PSMF1: variants seen among roughly 807,000 people sequenced by gnomAD.
PSMF1 encodes proteasome inhibitor PI31 subunit.
Under a neutral mutation model 29.3 loss-of-function variants are expected in PSMF1, and 30 were observed. That is an observed-to-expected ratio of 1.02 (90% confidence interval 0.77 to 1.39). The LOEUF is 1.39. PSMF1 is among the 40% of genes most tolerant of loss of function. The pLI, the probability that PSMF1 is intolerant of heterozygous loss-of-function variation, is 0.00. For missense variants in PSMF1, 344 were observed against 357.5 expected (o/e 0.96, Z 0.31); for synonymous variants, 134 against 139.7 (o/e 0.96, Z 0.29).
At chr20:1,123,604 A>T (rs554142308) in intron 1 of PSMF1, among the ~76,000 whole-genome samples, 3 of 152,294 alleles carry the variant, frequency 2.0e-5, no homozygotes, top group South Asian at 2.1e-4. Context: ...ATAGTATTCC[A>T]CTATAAGCAT....
Position 1,163,302 on chromosome 20 carries a change from T to C in PSMF1, c.605+119T>C. On this transcript the variant is annotated intron_variant, in intron 5 of 6. Transcript: ENST00000335877. This position sits in a 1 kb window ranked among gnomAD's most constrained non-coding sequence, Gnocchi z 6.1. ...TCTTCCTTTGGGGTGGAGGAGGCAG[T>C]TGTTGCTGAGCAGCTGAGAAAGCAC... 3 of 1,169,194 alleles carry C rather than the reference T, an allele frequency of 2.6e-6. No homozygotes were observed. Among genetic ancestry groups the C allele is most frequent in the Non-Finnish European group, 3.7e-6 (3 of 806,348 alleles). The allele number at this position is 1,169,194 out of a possible 1,614,324, so 72.4% of individuals were successfully genotyped here. A position where few individuals can be genotyped will look rare whatever the true frequency, so the allele number is the denominator to read the frequency against.
intron 4 of PSMF1, among the ~76,000 whole-genome samples, chr20:1,142,387 A>G (rs1480872301): frequency 6.6e-6 from 1 of 152,162 alleles, no homozygotes; most frequent in East Asian, 1.9e-4. Flanking sequence ...ATCATTCAAC[A>G]TTAGGTATTT....
At chr20:1,129,594 C>T (rs1436958635) in intron 3 of PSMF1, among the ~76,000 whole-genome samples, 3 of 152,196 alleles carry the variant, frequency 2.0e-5, no homozygotes. Flanking sequence ...AGACATAGAT[C>T]AGATCATAGT....
intron 4 of PSMF1, among the ~76,000 whole-genome samples, chr20:1,139,007 C>G (rs570591561): frequency 1.1e-4 from 17 of 152,170 alleles, no homozygotes; most frequent in African/African-American, 3.4e-4. Flanking sequence ...GAAACCCTGT[C>G]TCTACTAAAA....
chr20:1,121,601 CCT>C (rs1365112148), intron 1 of PSMF1, among the ~76,000 whole-genome samples: 2 of 152,140 alleles, frequency 1.3e-5, no homozygotes, highest in African/African-American at 4.8e-5. Flanking sequence ...ATTTGTGTTG[CCT>C]CTCCAGCCAT....
At chr20:1,119,272 T>A (rs564662715) in intron 1 of PSMF1, among the ~76,000 whole-genome samples, 6 of 152,212 alleles carry the variant, frequency 3.9e-5, no homozygotes, top group Admixed American at 3.3e-4. Context: ...CTGAACTCCT[T>A]ACCACCCAGC....
Position 1,135,300 on chromosome 20 carries a change from C to G in PSMF1, c.545C>G (p.Pro182Arg). 1.2e-6 allele frequency: 2 copies of G among 1,611,304 alleles called. No individual in the cohort carries two copies. The highest frequency in any genetic ancestry group is 1.7e-6 in the Non-Finnish European group (2 of 1,178,514). ...PPHHPHTSRQ[P>R]PWCDPLGPFV... ...CACCACCCACACACCAGTCGGCAGC[C>G]TCCCTGGTGAGTACAGAGTGCCTAG... is the stretch of plus-strand genomic sequence containing the variant. The change falls in exon 4 of 7, where the codon CCT becomes CGT. Residue 182 changes from proline (P) to arginine (R), a missense_variant. Physicochemically the swap from Pro to Arg is moderately radical, Grantham distance 103. Coordinates refer to ENST00000335877, the MANE Select transcript of PSMF1 (RefSeq NM_006814.5).
intron 1 of PSMF1, 122 bp from the exon 2 acceptor site, chr20:1,125,376 T>C (rs765177079): frequency 9.0e-7 from 1 of 1,112,554 alleles, no homozygotes; most frequent in Non-Finnish European, 1.2e-6. Flanking sequence ...AAGTCATTTC[T>C]CTTGACCTCC....
At chr20:1,127,084 A>G (rs1486583850) in intron 2 of PSMF1, among the ~76,000 whole-genome samples, 1 of 152,054 alleles carries the variant, frequency 6.6e-6, no homozygotes, top group Admixed American at 6.5e-5. Flanking sequence ...TGCTACCCTC[A>G]TTAGCAAGAT....
chr20:1,139,789 G>A (rs905992738), intron 4 of PSMF1, among the ~76,000 whole-genome samples: 1 of 150,552 alleles, frequency 6.6e-6, no homozygotes. Flanking sequence ...CTGTACATTA[G>A]CAATGAACAA....
At position 1,163,074 on chromosome 20, in the gene PSMF1, G is replaced by A. The variant is rs2086686298; in HGVS notation, c.552-56G>A. The A allele has an allele frequency of 6.3e-7, 1 of 1,585,268 alleles. No homozygotes were observed. The highest frequency in any genetic ancestry group is 1.1e-5 in the South Asian group (1 of 89,746). ...TGTGAGTGTGTTTGTGATCCCACAT[G>A]TATCAGGTGCCTGGCTGCTCTGGGA... On this transcript the variant is annotated intron_variant, in intron 4 of 6. Coordinates refer to ENST00000335877, the MANE Select transcript of PSMF1 (RefSeq NM_006814.5). This position sits in a 1 kb window ranked among gnomAD's most constrained non-coding sequence, Gnocchi z 6.1.
intron 4 of PSMF1, among the ~76,000 whole-genome samples, chr20:1,135,706 G>T (rs1399859850): frequency 6.6e-6 from 1 of 152,158 alleles, no homozygotes; most frequent in Non-Finnish European, 1.5e-5. Context: ...ACATGTAGAG[G>T]TACTAGCCCA....
At chr20:1,114,016 G>C (rs1014998157), upstream of PSMF1, among the ~76,000 whole-genome samples, 1 of 152,116 alleles carries the variant, frequency 6.6e-6, no homozygotes, top group African/African-American at 2.4e-5. Flanking sequence ...CTAAGGCATG[G>C]CTTACCCCCG....
At chr20:1,150,708 C>A (rs2086519568) in intron 4 of PSMF1, among the ~76,000 whole-genome samples, 1 of 152,100 alleles carries the variant, frequency 6.6e-6, no homozygotes, top group East Asian at 1.9e-4. Context: ...CCCTCTGTAG[C>A]TTGCCCTTTT....
At chr20:1,151,295 A>G (rs2086527525) in intron 4 of PSMF1, among the ~76,000 whole-genome samples, 1 of 152,226 alleles carries the variant, frequency 6.6e-6, no homozygotes, top group Admixed American at 6.5e-5. Flanking sequence ...TTTGCAGGTA[A>G]GGAAGCTGAA....
At position 1,163,245 on chromosome 20, in the gene PSMF1, T is replaced by A; in HGVS notation, c.605+62T>A. 1 of 1,554,796 alleles carries A rather than the reference T, an allele frequency of 6.4e-7. No individual in the cohort carries two copies. Among genetic ancestry groups the A allele is most frequent in the Non-Finnish European group, 8.9e-7 (1 of 1,128,936 alleles). On this transcript the variant is annotated intron_variant, in intron 5 of 6. Coordinates refer to ENST00000335877, the MANE Select transcript of PSMF1 (RefSeq NM_006814.5). This position sits in a 1 kb window ranked among gnomAD's most constrained non-coding sequence, Gnocchi z 6.1. ...GCTTTTGTGGCTTTTCAGCCCCAGC[T>A]CATCTTCTAATTTTAGAGTTTTCGG...
intron 4 of PSMF1, among the ~76,000 whole-genome samples, chr20:1,154,025 T>A (rs915799253): frequency 2.0e-5 from 3 of 152,192 alleles, no homozygotes; most frequent in Non-Finnish European, 4.4e-5. Flanking sequence ...TTAAGTAAAT[T>A]TTTAAAATTT....
In PSMF1 at chr20:1,135,104, T is replaced by A. The variant is rs754078045; in HGVS notation, c.366-17T>A. The A allele has an allele frequency of 4.3e-6, 7 of 1,614,026 alleles. No individual in the cohort carries two copies. Among genetic ancestry groups the A allele is most frequent in the Non-Finnish European group, 5.1e-6 (6 of 1,179,904 alleles). ...TAGCCAACTGCAAGCAGTTGACTCT[T>A]CATCTGCTTCCTGCAGGACCTACAA... On this transcript the variant is annotated splice_polypyrimidine_tract_variant and intron_variant, in intron 3 of 6. Transcript: ENST00000335877.
At position 1,125,549 on chromosome 20, in the gene PSMF1, A is replaced by G. The variant is rs751905514; in HGVS notation, c.181A>G (p.Asn61Asp). The change falls in exon 2 of 7, where the codon AAT becomes GAT. Residue 61 changes from asparagine (N) to aspartate (D), a missense_variant. Coordinates refer to ENST00000335877, the MANE Select transcript of PSMF1 (RefSeq NM_006814.5). ...SELLPAGWNNNKDLYVLRYEY... is the reference protein window; with the variant it reads ...SELLPAGWNNDKDLYVLRYEY... ...ACTGCTGCCAGCTGGGTGGAACAACAATAAAGACCTGTATGTCCTCCGGTA... is the reference window on the plus strand; with the variant it reads ...ACTGCTGCCAGCTGGGTGGAACAACGATAAAGACCTGTATGTCCTCCGGTA... 34 of 1,613,762 alleles carry G rather than the reference A, an allele frequency of 2.1e-5. No homozygotes were observed. Among genetic ancestry groups the G allele is most frequent in the Non-Finnish European group, 2.7e-5 (32 of 1,179,910 alleles).
Sources: gnomAD v4.1 joint callset for allele counts (sites outside exome capture counted in the v4.1 genomes callset) on GRCh38, gnomAD v4.1.1 for gene constraint, Gnocchi (gnomAD v3.1) non-coding constraint, MANE v1.5 for transcripts, NCBI Gene and HGNC (gene_info 2026-07-23, HGNC 2026-07-21) for gene names.